Variants in XNDC1N observed in about 807,000 individuals in gnomAD.
The protein encoded by XNDC1N is protein XNDC1N.
the XNDC1N span, among the ~76,000 whole-genome samples, chr11:71,895,042 G>A: frequency 6.6e-6 from 1 of 152,080 alleles, no homozygotes; most frequent in Non-Finnish European, 1.5e-5. Flanking sequence ...ATCACCTGGG[G>A]AGTTAAAAAT....
chr11:71,917,688 G>A, the XNDC1N span: 1 of 703,328 alleles, frequency 1.4e-6, no homozygotes, highest in East Asian at 2.7e-5. Flanking sequence ...ACATTAGCGT[G>A]GTTGCAGGGA....
the XNDC1N span, among the ~76,000 whole-genome samples, chr11:71,926,691 A>T: frequency 4.6e-5 from 7 of 152,070 alleles, no homozygotes; most frequent in Admixed American, 2.6e-4. Context: ...ACTTGAGGTC[A>T]GGAGTTTGAG....
chr11:71,904,928 A>G, the XNDC1N span, among the ~76,000 whole-genome samples: 2 of 152,032 alleles, frequency 1.3e-5, no homozygotes, highest in Admixed American at 1.3e-4. Context: ...GACATTACGA[A>G]TAATATCACA....
chr11:71,882,237 T>C, the XNDC1N span, among the ~76,000 whole-genome samples: 24 of 152,122 alleles, frequency 1.6e-4, no homozygotes, highest in African/African-American at 5.3e-4. Context: ...GAACACTATC[T>C]TAAAACTCTC....
chr11:71,887,061 G>A, the XNDC1N span, among the ~76,000 whole-genome samples: 1 of 152,226 alleles, frequency 6.6e-6, no homozygotes, highest in Non-Finnish European at 1.5e-5. Flanking sequence ...TGCTCAACCT[G>A]GCAGAAGGGT....
chr11:71,892,726 G>T, the XNDC1N span, among the ~76,000 whole-genome samples: 1 of 151,972 alleles, frequency 6.6e-6, no homozygotes, highest in Non-Finnish European at 1.5e-5. Context: ...TCACCAGGTT[G>T]GTCAGGCTGG....
chr11:71,881,167 C>A, the XNDC1N span, among the ~76,000 whole-genome samples: 2 of 152,182 alleles, frequency 1.3e-5, no homozygotes, highest in African/African-American at 4.8e-5. Flanking sequence ...GCTCTAATGA[C>A]ATTTTTAATA....
chr11:71,890,059 G>A, the XNDC1N span, among the ~76,000 whole-genome samples: 9,361 of 152,162 alleles, frequency 0.062, 462 homozygotes, highest in East Asian at 0.16. Flanking sequence ...TCAGAGTTCC[G>A]GAAAGGTGGA....
the XNDC1N span, among the ~76,000 whole-genome samples, chr11:71,882,827 A>G: frequency 0.028 from 4,266 of 152,260 alleles, 71 homozygotes; most frequent in East Asian, 0.08. Flanking sequence ...TTTCCAAATG[A>G]CATAATTTTT....
the XNDC1N span, chr11:71,903,381 C>T: frequency 3.4e-6 from 5 of 1,452,540 alleles, no homozygotes; most frequent in Non-Finnish European, 3.9e-6. Context: ...TCTTCCTCTC[C>T]AACCTGTCCT....
the XNDC1N span, chr11:71,928,535 A>G: frequency 1.4e-6 from 1 of 702,562 alleles, no homozygotes; most frequent in Admixed American, 2.0e-5. Context: ...CTGTTTTTGA[A>G]AATGAGTCCT....
the XNDC1N span, among the ~76,000 whole-genome samples, chr11:71,925,079 C>T: frequency 1.3e-5 from 2 of 151,778 alleles, no homozygotes; most frequent in Non-Finnish European, 2.9e-5. Context: ...TCCCATTTAC[C>T]AAATCTAATG....
chr11:71,878,768 G>A, the XNDC1N span, among the ~76,000 whole-genome samples: 1 of 151,896 alleles, frequency 6.6e-6, no homozygotes, highest in Non-Finnish European at 1.5e-5. Context: ...TTTGAGGTGG[G>A]TGAGCTTGGG....
chr11:71,879,631 C>A, the XNDC1N span, among the ~76,000 whole-genome samples: 1 of 151,778 alleles, frequency 6.6e-6, no homozygotes, highest in Non-Finnish European at 1.5e-5. Context: ...TAAAATTTAC[C>A]ATAATATTCA....
the XNDC1N span, among the ~76,000 whole-genome samples, chr11:71,925,630 A>C: frequency 6.6e-6 from 1 of 152,224 alleles, no homozygotes; most frequent in Admixed American, 6.5e-5. Context: ...AATAATAAAA[A>C]TAAGACATAG....
chr11:71,908,109 A>G, the XNDC1N span, among the ~76,000 whole-genome samples: 2 of 152,194 alleles, frequency 1.3e-5, no homozygotes, highest in African/African-American at 2.4e-5. Context: ...ACAGGTGGGT[A>G]TACACCCACT....
chr11:71,884,681 T>A, the XNDC1N span: 7 of 1,289,776 alleles, frequency 5.4e-6, no homozygotes, highest in East Asian at 2.5e-5. Flanking sequence ...GATGGTCAGG[T>A]GAAAATGAAT....
chr11:71,885,380 G>A, the XNDC1N span, among the ~76,000 whole-genome samples: 296 of 152,150 alleles, frequency 1.9e-3, no homozygotes, highest in African/African-American at 3.0e-3. Flanking sequence ...CAGCCCCTCC[G>A]CTTTGGAATG....
the XNDC1N span, among the ~76,000 whole-genome samples, chr11:71,911,388 C>G: frequency 6.6e-6 from 1 of 152,236 alleles, no homozygotes; most frequent in African/African-American, 2.4e-5. Context: ...ACTCAATTCA[C>G]TCTAGCAGAC....
Sources: allele counts gnomAD v4.1 joint callset (sites outside exome capture counted in the v4.1 genomes callset), GRCh38; gene constraint gnomAD v4.1.1; transcripts MANE v1.5; gene names NCBI Gene and HGNC (gene_info 2026-07-23, HGNC 2026-07-21).